Variants in PPP1R16B observed in about 807,000 individuals in gnomAD.
The protein encoded by PPP1R16B is protein phosphatase 1 regulatory inhibitor subunit 16B.
Under a neutral mutation model 61.7 loss-of-function variants are expected in PPP1R16B, and 14 were observed. The ratio of observed to expected loss-of-function variants is 0.23; its 90% CI spans 0.15 to 0.35. PPP1R16B has a LOEUF of 0.35. Among genes scored for constraint, PPP1R16B ranks in the 10% least tolerant of loss-of-function variants. The pLI, the probability that PPP1R16B is intolerant of heterozygous loss-of-function variation, is 1.00. For synonymous variants in PPP1R16B, 266 were observed against 305.3 expected, an observed-to-expected ratio of 0.87 and a Z score of 1.34; for missense variants, 547 against 752.5, an observed-to-expected ratio of 0.73 and a Z score of 3.19.
chr20:38,838,656 G>C (rs2084888635), intron 2 of PPP1R16B: 2 of 152,416 alleles, frequency 1.3e-5, no homozygotes, highest in South Asian at 4.1e-4. Flanking sequence ...ATTTTTGTTG[G>C]GGGCGGAAGT....
At chr20:38,901,689 C>T (rs532135878) in intron 5 of PPP1R16B, among the ~76,000 whole-genome samples, 5 of 152,292 alleles carry the variant, frequency 3.3e-5, no homozygotes, top group South Asian at 4.1e-4. Flanking sequence ...GGATTACAGG[C>T]GTGAACCCCC....
Position 38,902,679 on chromosome 20 carries a change from G to C in PPP1R16B, c.583G>C (p.Glu195Gln). ...CTTTCCCACTGCAGGCATCACCCAAGAGAAAATCAACGAGATGCGGGTGGC... is the reference window on the plus strand; with the variant it reads ...CTTTCCCACTGCAGGCATCACCCAACAGAAAATCAACGAGATGCGGGTGGC... ...TCMAYQGITQEKINEMRVAPE... is the reference protein window; with the variant it reads ...TCMAYQGITQQKINEMRVAPE... The change falls in exon 6 of 11, where the codon GAG (glutamate) becomes CAG (glutamine). Residue 195 changes from glutamate (E) to glutamine (Q), a missense_variant. Glu to Gln is a conservative substitution (Grantham distance 29). Coordinates refer to ENST00000299824, the MANE Select transcript of PPP1R16B (RefSeq NM_015568.4). The C allele has an allele frequency of 6.2e-7, 1 of 1,614,202 alleles. No individual in the cohort carries two copies. The highest frequency in any genetic ancestry group is 1.1e-5 in the South Asian group (1 of 91,088).
At chr20:38,809,938 G>A (rs568541982) in intron 1 of PPP1R16B, among the ~76,000 whole-genome samples, 8 of 135,960 alleles carry the variant, frequency 5.9e-5, no homozygotes, top group East Asian at 4.8e-4. Context: ...CCATGATTGC[G>A]TGCACCTCTG....
intron 2 of PPP1R16B, among the ~76,000 whole-genome samples, chr20:38,848,826 G>A (rs984026809): frequency 1.3e-5 from 2 of 152,166 alleles, no homozygotes; most frequent in Non-Finnish European, 2.9e-5. Flanking sequence ...GATTGTGGGA[G>A]GAGGGAGGAG....
intron 1 of PPP1R16B, among the ~76,000 whole-genome samples, chr20:38,807,985 G>A (rs543481797): frequency 2.0e-5 from 3 of 152,310 alleles, no homozygotes; most frequent in East Asian, 1.9e-4. Context: ...GGTAATTGAC[G>A]GAGTGGAGGT....
intron 2 of PPP1R16B, among the ~76,000 whole-genome samples, chr20:38,855,933 T>TAGAG (rs1362360833): frequency 2.1e-4 from 10 of 48,340 alleles, no homozygotes; most frequent in African/African-American, 3.6e-4. Context: ...TATATATATA[T>TAGAG]ATATATATAT....
At chr20:38,890,656 C>T (rs2085285414) in intron 3 of PPP1R16B, among the ~76,000 whole-genome samples, 1 of 152,242 alleles carries the variant, frequency 6.6e-6, no homozygotes, top group African/African-American at 2.4e-5. Context: ...GAGGGCACAG[C>T]ACATACCTCT....
rs376527598 is a variant in PPP1R16B, at chr20:38,918,585, C to T, written c.1623C>T (p.Ser541=). 7.4e-5 allele frequency: 114 copies of T among 1,534,148 alleles called. No individual in the cohort carries two copies. The highest frequency in any genetic ancestry group is 2.7e-4 in the Admixed American group (13 of 48,292). The part of the protein sequence containing the change: ...NGTSVYYTVT[S]GDPPLLKFKA... ...CCTCGGTATATTACACGGTCACCAG[C>T]GGAGATCCCCCACTCTTAAAGTTCA... The change falls in exon 11 of 11, where the codon AGC becomes AGT. Residue 541 remains serine (S), a synonymous_variant. Coordinates refer to ENST00000299824, the MANE Select transcript of PPP1R16B (RefSeq NM_015568.4). This position sits in a 1 kb window ranked among gnomAD's most constrained non-coding sequence, Gnocchi z 5.3.
chr20:38,819,793 A>T (rs1226125770), intron 1 of PPP1R16B, among the ~76,000 whole-genome samples: 1 of 152,236 alleles, frequency 6.6e-6, no homozygotes, highest in Non-Finnish European at 1.5e-5. Context: ...ATTTAAAAAA[A>T]AAAATTGTGA....
chr20:38,809,988 A>T (rs1321926061), intron 1 of PPP1R16B, among the ~76,000 whole-genome samples: 1 of 147,184 alleles, frequency 6.8e-6, no homozygotes, highest in East Asian at 2.0e-4. Context: ...TTGTTTCGAA[A>T]AAAAAAAAAA....
At chr20:38,816,229 A>C (rs1025656305) in intron 1 of PPP1R16B, among the ~76,000 whole-genome samples, 1 of 152,224 alleles carries the variant, frequency 6.6e-6, no homozygotes, top group Non-Finnish European at 1.5e-5. Flanking sequence ...CCTGTGGGGA[A>C]ACCCAGCTGA....
chr20:38,860,802 T>C (rs1211152969), intron 2 of PPP1R16B, among the ~76,000 whole-genome samples: 7 of 152,226 alleles, frequency 4.6e-5, no homozygotes, highest in African/African-American at 1.7e-4. Context: ...ATCTAGGTTT[T>C]GAGTAAGGTG....
At position 38,835,964 on chromosome 20, in the gene PPP1R16B, G is replaced by T. The variant is rs1399278548; in HGVS notation, c.39G>T (p.Leu13=). ...SHVDLLTELQ[L]LEKVPTLERL... ...TGGACCTGCTGACGGAGCTGCAGCTGCTGGAGAAGGTGCCCACGCTGGAGC... is the reference window on the plus strand; with the variant it reads ...TGGACCTGCTGACGGAGCTGCAGCTTCTGGAGAAGGTGCCCACGCTGGAGC... Residue 13 remains leucine, a synonymous_variant, in exon 2 of 11, where the codon CTG becomes CTT. Coordinates refer to ENST00000299824, the MANE Select transcript of PPP1R16B (RefSeq NM_015568.4). 1.3e-6 allele frequency: 2 copies of T among 1,547,550 alleles called. No homozygotes were observed. The highest frequency in any genetic ancestry group is 1.7e-6 in the Non-Finnish European group (2 of 1,147,436).
chr20:38,870,533 G>A (rs149308829), intron 2 of PPP1R16B, among the ~76,000 whole-genome samples: 418 of 152,252 alleles, frequency 2.7e-3, no homozygotes, highest in African/African-American at 9.8e-3. Flanking sequence ...CAGAAGGATG[G>A]GGAGGCTGGG....
chr20:38,848,024 AAAGT>A (rs549812820), intron 2 of PPP1R16B, among the ~76,000 whole-genome samples: 55 of 152,286 alleles, frequency 3.6e-4, no homozygotes, highest in African/African-American at 1.3e-3. Flanking sequence ...TTTTGTAAAT[AAAGT>A]TTTATTGGAA....
At chr20:38,906,163 G>T in intron 7 of PPP1R16B, 69 bp downstream of exon 7, 1 of 1,534,574 alleles carries the variant, frequency 6.5e-7, no homozygotes, top group Non-Finnish European at 8.8e-7. Context: ...AAGTTTTTTG[G>T]GCTGGCAGTT....
intron 2 of PPP1R16B, among the ~76,000 whole-genome samples, chr20:38,840,224 G>A (rs994125753): frequency 1.2e-4 from 18 of 152,332 alleles, no homozygotes; most frequent in African/African-American, 4.3e-4. Flanking sequence ...TGGTGTTTGG[G>A]AGGCTGCCGG....
intron 1 of PPP1R16B, among the ~76,000 whole-genome samples, chr20:38,825,441 T>C (rs535735009): frequency 5.9e-5 from 9 of 152,304 alleles, no homozygotes; most frequent in African/African-American, 2.2e-4. Context: ...TAAGGGGACA[T>C]TTTGGTTAAC....
chr20:38,811,658 C>T (rs2084701426), intron 1 of PPP1R16B, among the ~76,000 whole-genome samples: 2 of 152,168 alleles, frequency 1.3e-5, no homozygotes, highest in Admixed American at 1.3e-4. Flanking sequence ...CTGTGGTTCT[C>T]AACTTGGGGC....
Sources: allele counts gnomAD v4.1 joint callset (sites outside exome capture counted in the v4.1 genomes callset), GRCh38; gene constraint gnomAD v4.1.1; non-coding constraint Gnocchi (gnomAD v3.1); transcripts MANE v1.5; gene names NCBI Gene and HGNC (gene_info 2026-07-23, HGNC 2026-07-21).